The following BAALC variants were observed in gnomAD, a reference collection of about 807,000 sequenced individuals.
BAALC encodes the protein BAALC binder of MAP3K1 and KLF4, also known as brain and acute leukemia cytoplasmic protein.
In BAALC, 9 loss-of-function variants were observed where a neutral mutation model predicts 15.5. The observed-to-expected ratio is 0.58, with a 90% CI of 0.35 to 1.02. BAALC has a LOEUF of 1.02. Ranked by LOEUF, BAALC falls within the 50% of genes least tolerant of loss-of-function variation. The pLI, the probability that BAALC is intolerant of heterozygous loss-of-function variation, is 0.02. For missense variants in BAALC, 201 were observed against 192.4 expected (o/e 1.04, Z -0.27); for synonymous variants, 80 against 74.6 (o/e 1.07, Z -0.37).
At chr8:103,197,521 T>C (rs1414645192) in intron 1 of BAALC, among the ~76,000 whole-genome samples, 1 of 152,206 alleles carries the variant, frequency 6.6e-6, no homozygotes, top group Non-Finnish European at 1.5e-5. Flanking sequence ...AAATGTATAT[T>C]TCATTTCATT....
At chr8:103,213,151 A>C in intron 2 of BAALC, 66 bp downstream of exon 2, 1 of 1,527,728 alleles carries the variant, frequency 6.5e-7, no homozygotes. Context: ...TTCAGGGCAG[A>C]GCCACCCAGC....
In BAALC at chr8:103,228,745, C is replaced by G. The variant is rs1812859669; in HGVS notation, c.*646C>G. 6.6e-6 allele frequency: 1 copy of G among 152,276 alleles called. No homozygotes were observed. The highest frequency in any genetic ancestry group is 2.4e-5 in the African/African-American group (1 of 41,444). 9.4% of individuals were successfully genotyped at this position (152,276 alleles called of 1,614,324 possible). A position where few individuals can be genotyped will look rare whatever the true frequency, so the allele number is the denominator to read the frequency against. ...CTTTGGGAGGTGTCTGTGAAGCAGTCATACCTGCTCCTCATCTGCCTGGAA... is the reference window on the plus strand; with the variant it reads ...CTTTGGGAGGTGTCTGTGAAGCAGTGATACCTGCTCCTCATCTGCCTGGAA... On this transcript the variant is annotated 3_prime_UTR_variant, in exon 3 of 3. Transcript: ENST00000309982.
At chr8:103,147,920 C>G (rs926869762) in intron 1 of BAALC, among the ~76,000 whole-genome samples, 1 of 152,178 alleles carries the variant, frequency 6.6e-6, no homozygotes, top group Non-Finnish European at 1.5e-5. Context: ...AGCTTGGCTA[C>G]CAGGAACGCT....
At chr8:103,195,851 G>GCATGGTCCTTGTCTT (rs1166166852) in intron 1 of BAALC, among the ~76,000 whole-genome samples, 4 of 152,170 alleles carry the variant, frequency 2.6e-5, no homozygotes, top group African/African-American at 7.2e-5. Context: ...AGCAACCCAG[G>GCATGGTCCTTGTCTT]CATGGAGCTC....
chr8:103,162,126 T>C (rs1027920901), intron 1 of BAALC, among the ~76,000 whole-genome samples: 4 of 151,836 alleles, frequency 2.6e-5, no homozygotes, highest in Admixed American at 1.3e-4. Flanking sequence ...GCCCAGCTAA[T>C]TAAAAACATT....
At chr8:103,179,335 G>A in intron 1 of BAALC, among the ~76,000 whole-genome samples, 1 of 152,176 alleles carries the variant, frequency 6.6e-6, no homozygotes. Flanking sequence ...TGCTGGGTAG[G>A]AGCCCCAGAA....
chr8:103,166,214 TAG>T (rs1429246849), intron 1 of BAALC: 1 of 152,824 alleles, frequency 6.5e-6, no homozygotes, highest in African/African-American at 2.4e-5. Flanking sequence ...GCTTGATTCT[TAG>T]AGTCATTCAC....
At chr8:103,213,361 G>A (rs1812494271) in intron 2 of BAALC, 1 of 338,916 alleles carries the variant, frequency 3.0e-6, no homozygotes, top group Admixed American at 3.9e-5. Context: ...CATGTTGATG[G>A]TGAGGACTGT....
intron 1 of BAALC, among the ~76,000 whole-genome samples, chr8:103,153,804 A>G (rs753645171): frequency 6.6e-5 from 10 of 152,140 alleles, no homozygotes; most frequent in Non-Finnish European, 1.0e-4. Context: ...AAAAAACCCA[A>G]CCTGCTGCTG....
chr8:103,155,693 C>T (rs186781965), intron 1 of BAALC, among the ~76,000 whole-genome samples: 4 of 152,350 alleles, frequency 2.6e-5, no homozygotes, highest in Admixed American at 2.6e-4. Flanking sequence ...CATCTTTCTG[C>T]TTCCCTAGTG....
intron 1 of BAALC, chr8:103,154,644 G>GC: frequency 8.0e-6 from 1 of 125,550 alleles, no homozygotes; most frequent in Admixed American, 8.3e-5. Flanking sequence ...GGGATCAGGT[G>GC]CCTCAAAGGG....
At chr8:103,163,872 AG>A (rs1268314562) in intron 1 of BAALC, among the ~76,000 whole-genome samples, 1 of 152,078 alleles carries the variant, frequency 6.6e-6, no homozygotes, top group East Asian at 1.9e-4. Flanking sequence ...AATATTCTTC[AG>A]CACCCACCCT....
Position 103,141,054 on chromosome 8 carries a change from T to G in BAALC, c.157T>G (p.Ser53Ala), listed in dbSNP as rs1188394483. ...CGGCCCCGAAGCGGGCGGCCTGCAC[T>G]CGGGTAAGTGGCCGGGCCCCTGCAG... ...DSGPEAGGLH[S>A]GMLEDGLPSN... Residue 53 changes from serine (S) to alanine (A), a missense_variant, in exon 1 of 3, where the codon TCG becomes GCG. By Grantham distance (99) the Ser-to-Ala change is moderately conservative. Coordinates refer to ENST00000309982, the MANE Select transcript of BAALC (RefSeq NM_024812.3). The G allele has an allele frequency of 1.9e-5, 28 of 1,493,846 alleles. No homozygotes were observed. In the East Asian group the frequency reaches 7.6e-4, roughly 40 times the overall value. 92.5% of individuals were successfully genotyped at this position (1,493,846 alleles called of 1,614,324 possible).
At chr8:103,222,213 T>A (rs946302862) in intron 2 of BAALC, among the ~76,000 whole-genome samples, 4 of 152,160 alleles carry the variant, frequency 2.6e-5, no homozygotes, top group Non-Finnish European at 5.9e-5. Flanking sequence ...GTAAATTTTT[T>A]ACAGACTTAT....
Position 103,198,982 on chromosome 8 carries a change from T to C in BAALC, c.161-13937T>C, listed in dbSNP as rs1415893776. Reference sequence around the variant, plus strand: ...CTATGTATTTCTATCTATATAAGTCTACTTTATTAGCTTTAAATTGCTATA... The same window carrying C: ...CTATGTATTTCTATCTATATAAGTCCACTTTATTAGCTTTAAATTGCTATA... On this transcript the variant is annotated intron_variant, in intron 1 of 2. Coordinates refer to ENST00000309982, the MANE Select transcript of BAALC (RefSeq NM_024812.3). Among the ~76,000 whole-genome samples the C allele has an allele frequency of 3.9e-5, 6 of 152,236 alleles. No individual in the cohort carries two copies. The South Asian group carries it at 8.3e-4, about 21-fold the overall frequency.
chr8:103,207,415 A>G (rs1303107636), intron 1 of BAALC, among the ~76,000 whole-genome samples: 1 of 152,226 alleles, frequency 6.6e-6, no homozygotes, highest in African/African-American at 2.4e-5. Context: ...GACAAAGGAA[A>G]AGGACTTTGA....
intron 1 of BAALC, among the ~76,000 whole-genome samples, chr8:103,209,554 G>A (rs1244251206): frequency 2.0e-5 from 3 of 151,928 alleles, no homozygotes; most frequent in Non-Finnish European, 2.9e-5. Context: ...TTCACCCCAT[G>A]AGCCCCACCC....
intron 2 of BAALC, among the ~76,000 whole-genome samples, chr8:103,218,476 A>G (rs1304180302): frequency 2.0e-5 from 3 of 152,036 alleles, no homozygotes; most frequent in African/African-American, 4.8e-5. Context: ...CCCACTAATT[A>G]GTTGTTCAGG....
chr8:103,171,258 A>G (rs767680318), intron 1 of BAALC, among the ~76,000 whole-genome samples: 5 of 145,352 alleles, frequency 3.4e-5, no homozygotes, highest in Non-Finnish European at 7.7e-5. Context: ...AGGAAGGAAG[A>G]AAGGAAAGAA....
Sources: allele counts gnomAD v4.1 joint callset (sites outside exome capture counted in the v4.1 genomes callset), GRCh38; gene constraint gnomAD v4.1.1; transcripts MANE v1.5; gene names NCBI Gene and HGNC (gene_info 2026-07-23, HGNC 2026-07-21).